The following NKAIN1 variants were observed in gnomAD, a reference collection of about 807,000 sequenced individuals.
The protein encoded by NKAIN1 is sodium/potassium transporting ATPase interacting 1.
In NKAIN1, 13 loss-of-function variants were observed where a neutral mutation model predicts 31.6. The ratio of observed to expected loss-of-function variants is 0.41; its 90% CI spans 0.27 to 0.65. NKAIN1 has a LOEUF of 0.65. Among genes scored for constraint, NKAIN1 ranks in the 30% least tolerant of loss-of-function variants. NKAIN1 has a pLI of 0.30. For synonymous variants in NKAIN1, 104 were observed against 109.0 expected (o/e 0.95, Z 0.28); for missense variants, 193 against 262.2 (o/e 0.74, Z 1.82).
Position 31,182,533 on chromosome 1 carries a change from T to C in NKAIN1, c.529A>G (p.Ser177Gly). 6.2e-7 allele frequency: 1 copy of C among 1,614,108 alleles called. No individual in the cohort carries two copies. The highest frequency in any genetic ancestry group is 2.2e-5 in the East Asian group (1 of 44,878). ...VSKVFLEEEDSFDFIGGFDSY... is the reference protein window; with the variant it reads ...VSKVFLEEEDGFDFIGGFDSY... ...TCCCCAGGGGCGCCTTACTCACAGCTGTCCTCCTCCTCCAGGAACACTTTG... is the reference window on the plus strand; with the variant it reads ...TCCCCAGGGGCGCCTTACTCACAGCCGTCCTCCTCCTCCAGGAACACTTTG... The change falls in exon 5 of 7, where the codon AGC becomes GGC. Residue 177 changes from serine to glycine, a missense_variant. Transcript: ENST00000373736.
chr1:31,239,604 C>A lies in NKAIN1; in HGVS notation c.-57G>T. 1 of 1,019,710 alleles carries A rather than the reference C, an allele frequency of 9.8e-7. No individual in the cohort carries two copies. Among genetic ancestry groups the A allele is most frequent in the Non-Finnish European group, 1.2e-6 (1 of 829,076 alleles). The allele number at this position is 1,019,710 out of a possible 1,614,324, so 63.2% of individuals were successfully genotyped here. A position where few individuals can be genotyped will look rare whatever the true frequency, so the allele number is the denominator to read the frequency against. The stretch of plus-strand genomic sequence containing the variant: ...GGCGCCCTTCTTGCTCCGCGGCCGC[C>A]GCCTGCTCGCGCCGCGCGGGCTCCA... On this transcript the variant is annotated 5_prime_UTR_variant, in exon 1 of 7. Transcript: ENST00000373736. The surrounding 1 kb of genome is among the most constrained non-coding windows in gnomAD (Gnocchi z 4.8).
chr1:31,189,356 G>A (rs375286062), intron 1 of NKAIN1, among the ~76,000 whole-genome samples: 22 of 152,010 alleles, frequency 1.4e-4, no homozygotes, highest in African/African-American at 4.3e-4. Context: ...CCGCTCTGTC[G>A]CCCAGGCTGT....
At position 31,233,773 on chromosome 1, in the gene NKAIN1, C is replaced by A. The variant is rs951064216; in HGVS notation, c.54+5721G>T. On this transcript the variant is annotated intron_variant, in intron 1 of 6. Transcript: ENST00000373736. This position sits in a 1 kb window ranked among gnomAD's most constrained non-coding sequence, Gnocchi z 4.0. ...GAGAGCACTTTCCTAGGCCAGGGAC[C>A]GTACTTGGCTATCCCGGCATCAACT... 6.6e-6 allele frequency among the ~76,000 whole-genome samples: 1 copy of A among 152,148 alleles called. No individual in the cohort carries two copies. Among genetic ancestry groups the A allele is most frequent in the Non-Finnish European group, 1.5e-5 (1 of 68,024 alleles).
At chr1:31,209,122 T>C (rs185949654) in intron 1 of NKAIN1, among the ~76,000 whole-genome samples, 157 of 152,158 alleles carry the variant, frequency 1.0e-3, no homozygotes, top group Admixed American at 8.2e-3. Context: ...CACCTGTAAT[T>C]CCAGCACTTT....
Position 31,197,057 on chromosome 1 carries a change from T to G in NKAIN1, c.55-8870A>C, listed in dbSNP as rs117565528. ...ATATTTTTCTGCAAAACTCCCTACC[T>G]CCCTCCTTCCTTTATTTTTTCCACA... is the stretch of plus-strand genomic sequence containing the variant. On this transcript the variant is annotated intron_variant, in intron 1 of 6. Transcript: ENST00000373736. 4.2e-3 allele frequency among the ~76,000 whole-genome samples: 631 copies of G among 151,118 alleles called. 36 individuals carry two copies. The East Asian group carries it at 0.097, about 23-fold the overall frequency.
chr1:31,182,968 T>TTTTTC (rs1645214349), intron 4 of NKAIN1, among the ~76,000 whole-genome samples: 1 of 152,172 alleles, frequency 6.6e-6, no homozygotes, highest in East Asian at 1.9e-4. Context: ...CTTTCTTTTT[T>TTTTTC]TTTTCTTCCC....
At chr1:31,211,592 A>G (rs1645469424) in intron 1 of NKAIN1, among the ~76,000 whole-genome samples, 1 of 132,286 alleles carries the variant, frequency 7.6e-6, no homozygotes, top group Admixed American at 9.4e-5. Context: ...CTCTATCAAA[A>G]TTCCAACTAC....
chr1:31,218,871 G>A (rs1645537972), intron 1 of NKAIN1, among the ~76,000 whole-genome samples: 1 of 152,228 alleles, frequency 6.6e-6, no homozygotes, highest in South Asian at 2.1e-4. Context: ...ATGACAGCTA[G>A]CGGCAGCCTG....
chr1:31,198,566 T>G (rs2377727), intron 1 of NKAIN1, among the ~76,000 whole-genome samples: 1 of 17,106 alleles, frequency 5.8e-5, no homozygotes, highest in African/African-American at 9.9e-5. Flanking sequence ...TCCAAATCTC[T>G]CATATCTGGC....
chr1:31,210,490 C>T (rs1318300308), intron 1 of NKAIN1, among the ~76,000 whole-genome samples: 4 of 152,026 alleles, frequency 2.6e-5, no homozygotes, highest in Admixed American at 6.6e-5. Flanking sequence ...GGTTTCACCA[C>T]GTTGGCCAGG....
chr1:31,210,187 T>C (rs1308566158), intron 1 of NKAIN1, among the ~76,000 whole-genome samples: 3 of 151,484 alleles, frequency 2.0e-5, no homozygotes, highest in Non-Finnish European at 4.4e-5. Context: ...GCCCTCCTTT[T>C]CCCAAGCCAG....
chr1:31,220,754 CA>C (rs772908877), intron 1 of NKAIN1, among the ~76,000 whole-genome samples: 1,732 of 58,846 alleles, frequency 0.029, 4 homozygotes, highest in Middle Eastern at 0.1. Flanking sequence ...ACTCCATCTC[CA>C]AAAAAAAAAA....
intron 4 of NKAIN1, among the ~76,000 whole-genome samples, chr1:31,183,421 C>T (rs1645217709): frequency 7.1e-6 from 1 of 141,446 alleles, no homozygotes; most frequent in Non-Finnish European, 1.5e-5. Flanking sequence ...GGCGGAAGAC[C>T]TAGGTTCATT....
At chr1:31,207,347 G>A (rs1002127361) in intron 1 of NKAIN1, among the ~76,000 whole-genome samples, 5 of 152,284 alleles carry the variant, frequency 3.3e-5, no homozygotes, top group East Asian at 3.9e-4. Flanking sequence ...CATTTCAAGC[G>A]AATGTTGTGA....
intron 2 of NKAIN1, among the ~76,000 whole-genome samples, chr1:31,187,095 G>A (rs1314939103): frequency 6.6e-6 from 1 of 152,210 alleles, no homozygotes; most frequent in Admixed American, 6.5e-5. Flanking sequence ...AGATGAGAGA[G>A]AGCCTTGTTA....
At chr1:31,219,134 T>C (rs1159113139) in intron 1 of NKAIN1, among the ~76,000 whole-genome samples, 4 of 152,244 alleles carry the variant, frequency 2.6e-5, no homozygotes, top group African/African-American at 4.8e-5. Context: ...CCTAAATATA[T>C]GTTCTGTCTT....
At chr1:31,196,697 AAAATAAATAAATAAAT>A (rs142670426) in intron 1 of NKAIN1, among the ~76,000 whole-genome samples, 5,158 of 145,216 alleles carry the variant, frequency 0.036, 124 homozygotes, top group South Asian at 0.095. Context: ...TTCCATCTCA[AAAATAAATAAATAAAT>A]AAATAAATAA....
intron 1 of NKAIN1, among the ~76,000 whole-genome samples, chr1:31,210,291 CTTTT>C (rs5773343): frequency 2.9e-5 from 4 of 136,204 alleles, no homozygotes; most frequent in Admixed American, 1.5e-4. Flanking sequence ...TTTTGCCATT[CTTTT>C]TTTTTTTTTT....
At chr1:31,192,813 C>CA (rs1407506227) in intron 1 of NKAIN1, among the ~76,000 whole-genome samples, 1 of 151,986 alleles carries the variant, frequency 6.6e-6, no homozygotes, top group African/African-American at 2.4e-5. Flanking sequence ...CTTGGCCTCC[C>CA]AAAGTGCTGG....
Sources: allele counts gnomAD v4.1 joint callset (sites outside exome capture counted in the v4.1 genomes callset), GRCh38; gene constraint gnomAD v4.1.1; non-coding constraint Gnocchi (gnomAD v3.1); transcripts MANE v1.5; gene names NCBI Gene and HGNC (gene_info 2026-07-23, HGNC 2026-07-21).